Variants in TMEM138 observed in about 807,000 individuals in gnomAD.
TMEM138 encodes the protein transmembrane protein 138.
In TMEM138, 9 loss-of-function variants were observed where a neutral mutation model predicts 18.1. The ratio of observed to expected loss-of-function variants is 0.50; its 90% CI spans 0.30 to 0.87. TMEM138 has a LOEUF of 0.87. Among genes scored for constraint, TMEM138 ranks in the 40% least tolerant of loss-of-function variants. TMEM138 has a pLI of 0.06. For synonymous variants in TMEM138, 79 were observed against 74.8 expected (o/e 1.06, Z -0.29); for missense variants, 189 against 190.6 (o/e 0.99, Z 0.05).
At chr11:61,374,143 C>CTTTTTTTTTTTTTTTTTT (rs768260657), downstream of TMEM138, among the ~76,000 whole-genome samples, 1 of 125,638 alleles carries the variant, frequency 8.0e-6, no homozygotes. Flanking sequence ...GCGCCCAGTC[C>CTTTTTTTTTTTTTTTTTT]TTTTTTTTTT....
At chr11:61,376,123 C>T (rs549736484), downstream of TMEM138, among the ~76,000 whole-genome samples, 1 of 152,262 alleles carries the variant, frequency 6.6e-6, no homozygotes, top group South Asian at 2.1e-4. Context: ...CCAAGGCAGG[C>T]GGATCACCTG....
At chr11:61,371,030 A>C (rs566616252), downstream of TMEM138, among the ~76,000 whole-genome samples, 1 of 151,952 alleles carries the variant, frequency 6.6e-6, no homozygotes, top group South Asian at 2.1e-4. Context: ...CTCCCAAATA[A>C]ATGAATTTAT....
At chr11:61,364,620 G>A in intron 2 of TMEM138, 102 bp downstream of exon 2, 1 of 1,496,416 alleles carries the variant, frequency 6.7e-7, no homozygotes, top group South Asian at 1.2e-5. Flanking sequence ...TGGGTACGGT[G>A]GCTCACACCC....
At chr11:61,366,474 T>TG in intron 3 of TMEM138, 1 of 299,992 alleles carries the variant, frequency 3.3e-6, no homozygotes, top group Admixed American at 5.1e-5. Flanking sequence ...TTCTTTTCTT[T>TG]TTTTTTTTTT....
At chr11:61,367,789 G>T (rs775593743) in intron 3 of TMEM138, 134 bp from the exon 4 acceptor site, 3 of 668,316 alleles carry the variant, frequency 4.5e-6, no homozygotes, top group Admixed American at 2.3e-5. Context: ...TTCGAGAAAC[G>T]CTCCTTGGGG....
At chr11:61,371,012 G>A (rs1041622528), downstream of TMEM138, among the ~76,000 whole-genome samples, 2 of 151,984 alleles carry the variant, frequency 1.3e-5, no homozygotes, top group Non-Finnish European at 2.9e-5. Flanking sequence ...ACGCAACACC[G>A]CCCCCCTCTC....
At chr11:61,369,815 C>G (rs912988577), downstream of TMEM138, among the ~76,000 whole-genome samples, 3 of 152,178 alleles carry the variant, frequency 2.0e-5, no homozygotes. Flanking sequence ...CACAGACTAG[C>G]CTGGATCTGC....
At chr11:61,367,800 T>C (rs1230172786) in intron 3 of TMEM138, 123 bp from the exon 4 acceptor site, 13 of 688,712 alleles carry the variant, frequency 1.9e-5, no homozygotes, top group Non-Finnish European at 3.2e-5. Context: ...CTCCTTGGGG[T>C]TGTAGAAAGG....
In TMEM138 at chr11:61,364,541, G is replaced by T. The variant is rs527795420; in HGVS notation, c.128+23G>T. On this transcript the variant is annotated intron_variant, in intron 2 of 4. Transcript: ENST00000278826. ...CATGTGCGTGCAGTAAGGCACTCTG[G>T]AAAGCTGAACCCACGCAATTCAAAG... The T allele has an allele frequency of 1.5e-5, 24 of 1,613,392 alleles. No homozygotes were observed. In the South Asian group the frequency reaches 2.4e-4, roughly 16 times the overall value.
At chr11:61,363,528 C>T (rs1858020430) in intron 1 of TMEM138, 1 of 152,116 alleles carries the variant, frequency 6.6e-6, no homozygotes, top group Non-Finnish European at 1.5e-5. Flanking sequence ...CATAGGACAC[C>T]CCCAGAGCAA....
chr11:61,366,316 C>T, intron 3 of TMEM138, 100 bp downstream of exon 3: 1 of 1,336,570 alleles, frequency 7.5e-7, no homozygotes, highest in South Asian at 1.5e-5. Context: ...TGAGCTCAAG[C>T]AATTCTCCTG....
At chr11:61,373,812 G>T (rs1858397083), downstream of TMEM138, among the ~76,000 whole-genome samples, 1 of 151,638 alleles carries the variant, frequency 6.6e-6, no homozygotes, top group Admixed American at 6.6e-5. Context: ...CAAAATTATG[G>T]GAGACTCCTA....
chr11:61,364,555 C>G, intron 2 of TMEM138, 37 bp downstream of exon 2: 5 of 1,612,282 alleles, frequency 3.1e-6, no homozygotes, highest in African/African-American at 1.3e-5. Flanking sequence ...GCTGAACCCA[C>G]GCAATTCAAA....
chr11:61,365,166 C>T (rs1410850174), intron 2 of TMEM138, among the ~76,000 whole-genome samples: 13 of 148,226 alleles, frequency 8.8e-5, no homozygotes, highest in African/African-American at 2.3e-4. Context: ...CCAGCCTGGG[C>T]GACAGAACAA....
chr11:61,370,441 C>T (rs553006629), downstream of TMEM138, among the ~76,000 whole-genome samples: 2 of 152,182 alleles, frequency 1.3e-5, no homozygotes, highest in African/African-American at 2.4e-5. Context: ...ATGACTAAAG[C>T]GTTGATGATA....
rs780183382 is a variant in TMEM138 at position 61,368,558 on chromosome 11, G to A, written c.377-39G>A. 1.2e-4 allele frequency: 174 copies of A among 1,439,966 alleles called. 2 individuals are homozygous for A. In the Middle Eastern group the frequency reaches 3.9e-3, roughly 32 times the overall value. 89.2% of individuals were successfully genotyped at this position (1,439,966 alleles called of 1,614,324 possible). A position where few individuals can be genotyped will look rare whatever the true frequency, so the allele number is the denominator to read the frequency against. On this transcript the variant is annotated intron_variant, in intron 4 of 4. Transcript: ENST00000278826. ...GTTCTTAACCTGAAATGATACTCAG[G>A]AGCACCCCTGAGGCTTCTCTTCTGC...
At position 61,364,492 on chromosome 11, in the gene TMEM138, T is replaced by A. The variant is rs139387935; in HGVS notation, c.102T>A (p.Thr34=). 1,164 of 1,614,084 alleles carry A rather than the reference T, an allele frequency of 7.2e-4. 2 individuals carry two copies. The highest frequency in any genetic ancestry group is 9.1e-4 in the Non-Finnish European group (1,077 of 1,180,042). Residue 34 remains threonine (T), a synonymous_variant, in exon 2 of 5, where the codon ACT becomes ACA. Transcript: ENST00000278826. The part of the protein sequence containing the change: ...VNSFSELLQK[T]PVIQLVLFII... ...CCTTCTCAGAACTGCTCCAAAAGAC[T>A]CCTGTCATCCAGCTTGTGCTCTTCA...
At chr11:61,368,070 G>T in intron 4 of TMEM138, 72 bp downstream of exon 4, 1 of 1,070,448 alleles carries the variant, frequency 9.3e-7, no homozygotes, top group South Asian at 1.3e-5. Context: ...CCTTGATGCT[G>T]GCTTCCCAGA....
downstream of TMEM138, among the ~76,000 whole-genome samples, chr11:61,375,317 C>CTTT (rs71043758): frequency 2.6e-4 from 17 of 65,300 alleles, no homozygotes; most frequent in East Asian, 5.5e-4. Context: ...TGTGAGTATT[C>CTTT]TTTTTTTTTT....
Sources: allele counts gnomAD v4.1 joint callset (sites outside exome capture counted in the v4.1 genomes callset), GRCh38; gene constraint gnomAD v4.1.1; transcripts MANE v1.5; gene names NCBI Gene and HGNC (gene_info 2026-07-23, HGNC 2026-07-21).